B4GALNT2: variants seen among roughly 807,000 people sequenced by gnomAD.
The protein encoded by B4GALNT2 is N-acetylneuraminylgalactosylglucosyl-glucoside beta-1,4-N- acetylgalactosaminyltransferase 2.
B4GALNT2 carries 42 observed loss-of-function variants against 51.1 expected under a neutral mutation model. The observed-to-expected ratio is 0.82, with a 90% CI of 0.64 to 1.06. The LOEUF (loss-of-function observed/expected upper bound fraction) is 1.06, where lower values mean the gene tolerates loss of function less well. Among genes scored for constraint, B4GALNT2 ranks in the 50% least tolerant of loss-of-function variants. The pLI, the probability that B4GALNT2 is intolerant of heterozygous loss-of-function variation, is 0.00. For synonymous variants in B4GALNT2, 253 were observed against 251.7 expected, an observed-to-expected ratio of 1.01 and a Z score of -0.05; for missense variants, 602 against 633.6, an observed-to-expected ratio of 0.95 and a Z score of 0.54.
At chr17:49,135,026 T>A (rs190267365) in intron 1 of B4GALNT2, among the ~76,000 whole-genome samples, 21 of 152,300 alleles carry the variant, frequency 1.4e-4, no homozygotes, top group African/African-American at 4.8e-4. Flanking sequence ...CCAAATAAAT[T>A]TTTCTGTATA....
chr17:49,122,336 G>A, the B4GALNT2 span, among the ~76,000 whole-genome samples: 1 of 152,186 alleles, frequency 6.6e-6, no homozygotes. Context: ...AGGAAGAGAG[G>A]TGGCATGTTC....
rs998100891 is a variant in B4GALNT2 at position 49,171,725 on chromosome 17, C to G, written c.*1997C>G. On this transcript the variant is annotated 3_prime_UTR_variant, in exon 11 of 11. Coordinates refer to ENST00000393354, the MANE Select transcript of B4GALNT2 (RefSeq NM_001159387.2). ...GAGAGGTGTAATTTAAGCTAAACATCCCCTTAGGGGACCAATCAATAATGA... is the reference window on the plus strand; with the variant it reads ...GAGAGGTGTAATTTAAGCTAAACATGCCCTTAGGGGACCAATCAATAATGA... 4.9e-6 allele frequency: 2 copies of G among 408,110 alleles called. No homozygotes were observed. The highest frequency in any genetic ancestry group is 6.1e-5 in the Admixed American group (2 of 32,688). 25.3% of individuals were successfully genotyped at this position (408,110 alleles called of 1,614,324 possible).
chr17:49,123,910 A>C, the B4GALNT2 span, among the ~76,000 whole-genome samples: 1 of 152,214 alleles, frequency 6.6e-6, no homozygotes, highest in Non-Finnish European at 1.5e-5. Flanking sequence ...AGCCTTGGTA[A>C]AATAACCAGT....
At chr17:49,161,231 C>T (rs1025210967) in intron 7 of B4GALNT2, among the ~76,000 whole-genome samples, 30 of 149,346 alleles carry the variant, frequency 2.0e-4, no homozygotes, top group East Asian at 5.9e-4. Flanking sequence ...GCCAAGATTG[C>T]GCCACTGCAC....
At chr17:49,148,276 G>A in intron 3 of B4GALNT2, 1 of 306,994 alleles carries the variant, frequency 3.3e-6, no homozygotes. Context: ...CTCCAGCCTG[G>A]GCGACAGAGT....
upstream of B4GALNT2, chr17:49,132,503 A>G (rs1353361305): frequency 2.7e-6 from 1 of 374,740 alleles, no homozygotes; most frequent in Non-Finnish European, 4.7e-6. Context: ...CATAGCGAGG[A>G]AGGAACGGTA....
At chr17:49,161,028 AC>A (rs1232816437) in intron 7 of B4GALNT2, among the ~76,000 whole-genome samples, 1 of 152,166 alleles carries the variant, frequency 6.6e-6, no homozygotes, top group Non-Finnish European at 1.5e-5. Flanking sequence ...TAATCTCAAC[AC>A]TTTGGGAGGC....
At chr17:49,133,930 A>AAAAC (rs138784461) in intron 1 of B4GALNT2, among the ~76,000 whole-genome samples, 58 of 151,744 alleles carry the variant, frequency 3.8e-4, no homozygotes, top group Admixed American at 3.9e-4. Context: ...ACAAACAAAC[A>AAAAC]AAACAAACAA....
chr17:49,126,604 G>A, the B4GALNT2 span, among the ~76,000 whole-genome samples: 1 of 150,740 alleles, frequency 6.6e-6, no homozygotes, highest in South Asian at 2.1e-4. Flanking sequence ...GCATTCAGGA[G>A]GCCTAATCAC....
At chr17:49,169,015 T>A in intron 10 of B4GALNT2, 115 bp downstream of exon 10, 1 of 1,053,934 alleles carries the variant, frequency 9.5e-7, no homozygotes, top group Non-Finnish European at 1.4e-6. Flanking sequence ...CCAGTAGCAG[T>A]ACATCCCTTT....
chr17:49,141,470 T>C, intron 2 of B4GALNT2, 23 bp downstream of exon 2: 1 of 1,607,706 alleles, frequency 6.2e-7, no homozygotes. Flanking sequence ...GTGTTCTTTC[T>C]TTCACCTTAA....
At chr17:49,121,479 C>T in the B4GALNT2 span, among the ~76,000 whole-genome samples, 1 of 152,170 alleles carries the variant, frequency 6.6e-6, no homozygotes, top group Non-Finnish European at 1.5e-5. Flanking sequence ...CTTGAAGCTT[C>T]TCCCATAAGG....
Position 49,132,821 on chromosome 17 carries a change from G to C in B4GALNT2, c.14+15G>C. The C allele has an allele frequency of 7.2e-7, 1 of 1,380,314 alleles. No homozygotes were observed. Among genetic ancestry groups the C allele is most frequent in the South Asian group, 1.8e-5 (1 of 56,380 alleles). 85.5% of individuals were successfully genotyped at this position (1,380,314 alleles called of 1,614,324 possible). ...ACTTCGGGCGGGTGAGTGTCCCCGGGGCAGAGCAGAGCGAGAGGTGAAACT... is the reference window on the plus strand; with the variant it reads ...ACTTCGGGCGGGTGAGTGTCCCCGGCGCAGAGCAGAGCGAGAGGTGAAACT... On this transcript the variant is annotated intron_variant, in intron 1 of 10. Transcript: ENST00000393354.
chr17:49,166,425 T>A (rs1302302304), intron 9 of B4GALNT2, among the ~76,000 whole-genome samples, 171 bp downstream of exon 9: 1 of 151,128 alleles, frequency 6.6e-6, no homozygotes, highest in Admixed American at 6.6e-5. Context: ...AGGTGGAGAG[T>A]GCTGCACCAG....
chr17:49,156,649 C>T lies in B4GALNT2; in HGVS notation c.498+46C>T, dbSNP rs373391531. ...CTCTTTGCACTTGGTGTCCTGTCCT[C>T]ATTCCCTCAACTGTGGCTGCTCTCA... On this transcript the variant is annotated intron_variant, in intron 5 of 10. Coordinates refer to ENST00000393354, the MANE Select transcript of B4GALNT2 (RefSeq NM_001159387.2). The T allele has an allele frequency of 4.2e-5, 67 of 1,596,258 alleles. No homozygotes were observed. In the African/African-American group the frequency reaches 7.5e-4, roughly 18 times the overall value.
intron 1 of B4GALNT2, among the ~76,000 whole-genome samples, chr17:49,136,333 T>C (rs2042589894): frequency 1.3e-5 from 2 of 151,766 alleles, no homozygotes; most frequent in East Asian, 1.9e-4. Context: ...AAAGAGACTA[T>C]AGAAACATGT....
chr17:49,131,859 G>A (rs886925781), upstream of B4GALNT2, among the ~76,000 whole-genome samples: 3 of 152,120 alleles, frequency 2.0e-5, no homozygotes, highest in Non-Finnish European at 4.4e-5. Context: ...CTTGCCGGTC[G>A]TGGTGGCTCA....
At chr17:49,133,265 G>C in intron 1 of B4GALNT2, 12 of 1,442,750 alleles carry the variant, frequency 8.3e-6, no homozygotes, top group Non-Finnish European at 1.1e-5. Flanking sequence ...TGGACAGTCG[G>C]GGAGCCCGGC....
intron 1 of B4GALNT2, chr17:49,133,268 A>G: frequency 6.9e-7 from 1 of 1,439,580 alleles, no homozygotes; most frequent in Non-Finnish European, 9.0e-7. Flanking sequence ...ACAGTCGGGG[A>G]GCCCGGCGGC....
Sources: allele counts gnomAD v4.1 joint callset (sites outside exome capture counted in the v4.1 genomes callset), GRCh38; gene constraint gnomAD v4.1.1; transcripts MANE v1.5; gene names NCBI Gene and HGNC (gene_info 2026-07-23, HGNC 2026-07-21).